The following ADK variants were observed in gnomAD, a reference collection of about 807,000 sequenced individuals.
ADK encodes the protein adenosine kinase.
Under a neutral mutation model 44.7 loss-of-function variants are expected in ADK, and 24 were observed. The observed-to-expected ratio is 0.54, with a 90% confidence interval of 0.39 to 0.76. ADK has a LOEUF of 0.76. Ranked by LOEUF, ADK falls within the 30% of genes least tolerant of loss-of-function variation. The pLI is 0.00. For synonymous variants in ADK, 128 were observed against 142.6 expected (o/e 0.90, Z 0.73); for missense variants, 321 against 425.1 (o/e 0.76, Z 2.15).
At chr10:74,531,769 C>T (rs907205815) in intron 7 of ADK, among the ~76,000 whole-genome samples, 2 of 151,980 alleles carry the variant, frequency 1.3e-5, no homozygotes, top group Non-Finnish European at 1.5e-5. Context: ...TGCACTGAAG[C>T]GAGTCCTTCT....
At position 74,525,294 on chromosome 10, in the gene ADK, G is replaced by C. The variant is rs1159821077; in HGVS notation, c.594G>C (p.Lys198Asn). Reference sequence around the variant, plus strand: ...CAGTTTCCCCAGAGTCAGTATTAAAGGTGGCTCACCATGCTTCTGAAAACA... The same window carrying C: ...CAGTTTCCCCAGAGTCAGTATTAAACGTGGCTCACCATGCTTCTGAAAACA... The part of the protein sequence containing the change: ...FLTVSPESVL[K>N]VAHHASENNR... Residue 198 changes from lysine to asparagine, a missense_variant, in exon 7 of 11, where the codon AAG (lysine) becomes AAC (asparagine). By Grantham distance (94) the Lys-to-Asn change is moderately conservative. Coordinates refer to ENST00000539909, the MANE Select transcript of ADK (RefSeq NM_006721.4). 2 of 1,613,712 alleles carry C rather than the reference G, an allele frequency of 1.2e-6. No homozygotes were observed. The highest frequency in any genetic ancestry group is 1.7e-6 in the Non-Finnish European group (2 of 1,179,874).
intron 7 of ADK, among the ~76,000 whole-genome samples, chr10:74,553,190 GTTTTTTTTTTTTTTTT>G (rs386371837): frequency 1.7e-5 from 1 of 60,438 alleles, no homozygotes; most frequent in Admixed American, 2.3e-4. Flanking sequence ...AGCACATTGT[GTTTTTTTTTTTTTTTT>G]TTTTTTTTTT....
intron 6 of ADK, among the ~76,000 whole-genome samples, chr10:74,459,607 T>C (rs1265767267): frequency 2.6e-5 from 4 of 151,486 alleles, no homozygotes; most frequent in African/African-American, 9.7e-5. Flanking sequence ...CACACGCCTG[T>C]AGTCCCACCT....
At position 74,574,132 on chromosome 10, in the gene ADK, C is replaced by T. The variant is rs185217061; in HGVS notation, c.727-15150C>T. On this transcript the variant is annotated intron_variant, in intron 7 of 10. Coordinates refer to ENST00000539909, the MANE Select transcript of ADK (RefSeq NM_006721.4). Reference sequence around the variant, plus strand: ...CTGGGAGCTGTAGACTGGAGCTGTTCCCATTTGGCCATCTTGGCTCCGCTA... The same window carrying T: ...CTGGGAGCTGTAGACTGGAGCTGTTTCCATTTGGCCATCTTGGCTCCGCTA... Among the ~76,000 whole-genome samples, 31 of 151,980 alleles carry T rather than the reference C, an allele frequency of 2.0e-4. No homozygotes were observed. In the East Asian group the frequency reaches 5.4e-3, roughly 27 times the overall value.
At chr10:74,638,557 T>C (rs1853704978) in intron 9 of ADK, among the ~76,000 whole-genome samples, 1 of 152,172 alleles carries the variant, frequency 6.6e-6, no homozygotes, top group Non-Finnish European at 1.5e-5. Context: ...CCCAGGAGGC[T>C]GAGGCAGGTG....
intron 4 of ADK, among the ~76,000 whole-genome samples, chr10:74,346,754 G>A (rs1271424452): frequency 6.6e-6 from 1 of 152,102 alleles, no homozygotes; most frequent in Non-Finnish European, 1.5e-5. Context: ...GGAATGAATT[G>A]AAGAAGAGAA....
intron 4 of ADK, among the ~76,000 whole-genome samples, chr10:74,336,088 G>A (rs1841400384): frequency 6.6e-6 from 1 of 151,956 alleles, no homozygotes; most frequent in Non-Finnish European, 1.5e-5. Flanking sequence ...CCTAATCCAG[G>A]GTGAGAAAGA....
At chr10:74,333,057 A>C (rs888930704) in intron 4 of ADK, among the ~76,000 whole-genome samples, 4 of 152,158 alleles carry the variant, frequency 2.6e-5, no homozygotes, top group African/African-American at 9.6e-5. Context: ...GGAAAAAAAA[A>C]CTAAATATCT....
chr10:74,195,973 A>C (rs1423147160), intron 1 of ADK, among the ~76,000 whole-genome samples: 2 of 151,532 alleles, frequency 1.3e-5, no homozygotes, highest in Non-Finnish European at 2.9e-5. Context: ...CACTGTGCCC[A>C]GCCAATTTTT....
intron 4 of ADK, among the ~76,000 whole-genome samples, chr10:74,359,529 G>C (rs546402452): frequency 1.3e-5 from 2 of 152,010 alleles, no homozygotes; most frequent in African/African-American, 4.8e-5. Flanking sequence ...GCAACATGGC[G>C]TGACCGTCCC....
At chr10:74,610,645 G>C (rs752372494) in intron 9 of ADK, among the ~76,000 whole-genome samples, 33 of 152,082 alleles carry the variant, frequency 2.2e-4, no homozygotes, top group Non-Finnish European at 8.8e-5. Flanking sequence ...TGCTGGGGGT[G>C]AAGGCAGAAA....
At chr10:74,569,719 A>G (rs932157031) in intron 7 of ADK, among the ~76,000 whole-genome samples, 1 of 152,092 alleles carries the variant, frequency 6.6e-6, no homozygotes, top group Non-Finnish European at 1.5e-5. Flanking sequence ...CCTATTCTGT[A>G]GGTTGCCTGT....
At chr10:74,177,947 T>TATATATATATA (rs1564574369) in intron 1 of ADK, among the ~76,000 whole-genome samples, 11 of 60,350 alleles carry the variant, frequency 1.8e-4, no homozygotes, top group African/African-American at 6.5e-4. Context: ...ATATATATAT[T>TATATATATATA]TTTTTTTTTT....
chr10:74,185,160 C>T (rs1039052286), intron 1 of ADK, among the ~76,000 whole-genome samples: 3 of 152,192 alleles, frequency 2.0e-5, no homozygotes, highest in African/African-American at 7.2e-5. Context: ...TCATGTCACA[C>T]ATGTGCCTTT....
chr10:74,508,928 ATTTT>A (rs972450132), intron 6 of ADK, among the ~76,000 whole-genome samples: 1 of 152,116 alleles, frequency 6.6e-6, no homozygotes, highest in Non-Finnish European at 1.5e-5. Context: ...TTGCTTTTAT[ATTTT>A]TATTTTATAA....
chr10:74,302,052 C>CT (rs1840050971), intron 3 of ADK, among the ~76,000 whole-genome samples: 1 of 141,444 alleles, frequency 7.1e-6, no homozygotes. Flanking sequence ...GTATTTTTAC[C>CT]TTTTTTTAAA....
At chr10:74,472,777 C>T (rs945185347) in intron 6 of ADK, among the ~76,000 whole-genome samples, 3 of 152,118 alleles carry the variant, frequency 2.0e-5, no homozygotes, top group African/African-American at 4.8e-5. Flanking sequence ...TTTCCATCAT[C>T]GCAGAAAGTG....
intron 7 of ADK, among the ~76,000 whole-genome samples, chr10:74,556,734 C>A (rs1405248980): frequency 6.6e-6 from 1 of 152,174 alleles, no homozygotes; most frequent in African/African-American, 2.4e-5. Context: ...ATGCCAGGCA[C>A]AACTGGAGGC....
intron 3 of ADK, among the ~76,000 whole-genome samples, chr10:74,260,542 G>A (rs1390403783): frequency 1.3e-5 from 2 of 152,208 alleles, no homozygotes; most frequent in Non-Finnish European, 2.9e-5. Flanking sequence ...GTGAGCCACT[G>A]TGCCCAGCCT....
Sources: allele counts gnomAD v4.1 joint callset (sites outside exome capture counted in the v4.1 genomes callset), GRCh38; gene constraint gnomAD v4.1.1; transcripts MANE v1.5; gene names NCBI Gene and HGNC (gene_info 2026-07-23, HGNC 2026-07-21).